The following ZNF511 variants were observed in gnomAD, a reference collection of about 807,000 sequenced individuals.
ZNF511 encodes zinc finger protein 511.
A neutral mutation model predicts 24.8 loss-of-function variants in ZNF511; 26 were observed. That is an observed-to-expected ratio of 1.05 (90% confidence interval 0.77 to 1.46). ZNF511 has a LOEUF of 1.46. Ranked by LOEUF, ZNF511 falls within the 40% of genes most tolerant of loss-of-function variation. ZNF511 has a pLI of 0.00. For missense variants in ZNF511, 358 were observed against 345.0 expected, an observed-to-expected ratio of 1.04 and a Z score of -0.30; for synonymous variants, 144 against 139.6, an observed-to-expected ratio of 1.03 and a Z score of -0.22.
chr10:133,309,606 A>T (rs1847939891), intron 2 of ZNF511, 143 bp downstream of exon 2: 9 of 1,268,928 alleles, frequency 7.1e-6, no homozygotes, highest in Non-Finnish European at 9.9e-6. Flanking sequence ...GGCGTGGCCG[A>T]CTCTTCCACC....
At chr10:133,312,688 C>A in intron 5 of ZNF511, 100 bp from the exon 6 acceptor site, 1 of 1,592,316 alleles carries the variant, frequency 6.3e-7, no homozygotes, top group Non-Finnish European at 8.6e-7. Context: ...CGCATGTTCC[C>A]AGAGTGAAAG....
At chr10:133,311,386 A>G (rs1847984691) in intron 4 of ZNF511, among the ~76,000 whole-genome samples, 2 of 152,364 alleles carry the variant, frequency 1.3e-5, no homozygotes, top group African/African-American at 4.8e-5. Flanking sequence ...ACTAGTTTAT[A>G]GTCTCTGGTT....
Position 133,312,793 on chromosome 10 carries a change from C to T in ZNF511, c.686C>T (p.Pro229Leu), listed in dbSNP as rs1052607215. The T allele has an allele frequency of 6.2e-7, 1 of 1,614,232 alleles. No homozygotes were observed. The highest frequency in any genetic ancestry group is 8.5e-7 in the Non-Finnish European group (1 of 1,180,042). The stretch of plus-strand genomic sequence containing the variant: ...GAAACTTTCTTCCATCCCAGAATAC[C>T]CTCTACCATCTGCTTTGGTCAGGGT... ...GERRIYRHRIPSTICFGQGAA... is the reference protein window; with the variant it reads ...GERRIYRHRILSTICFGQGAA... The change falls in exon 6 of 6, where the codon CCC becomes CTC. Residue 229 changes from proline to leucine, a missense_variant. By Grantham distance (98) the Pro-to-Leu change is moderately conservative. Coordinates refer to ENST00000361518, the MANE Select transcript of ZNF511 (RefSeq NM_145806.4).
intron 4 of ZNF511, 45 bp downstream of exon 4, chr10:133,310,333 G>A (rs1471874601): frequency 6.2e-7 from 1 of 1,610,784 alleles, no homozygotes; most frequent in African/African-American, 1.3e-5. Context: ...TTGATTTTAG[G>A]AAAAGGTTTC....
In ZNF511 at chr10:133,309,422, G is replaced by A; in HGVS notation, c.186G>A (p.Gln62=). ...DGDVQRHLYL[Q]DVIMQVADVP... ...ACGTGCAGCGCCACCTCTACCTCCAGGACGTGATCATGCAGGTGGCCGACG... is the reference window on the plus strand; with the variant it reads ...ACGTGCAGCGCCACCTCTACCTCCAAGACGTGATCATGCAGGTGGCCGACG... The change falls in exon 2 of 6, where the codon CAG becomes CAA. Residue 62 remains glutamine (Q), a synonymous_variant. Transcript: ENST00000361518. The A allele has an allele frequency of 6.2e-7, 1 of 1,612,536 alleles. No individual in the cohort carries two copies. The highest frequency in any genetic ancestry group is 8.5e-7 in the Non-Finnish European group (1 of 1,179,764).
Position 133,309,763 on chromosome 10 carries a change from G to A in ZNF511, c.228-13G>A, listed in dbSNP as rs970694986. On this transcript the variant is annotated splice_polypyrimidine_tract_variant and intron_variant, in intron 2 of 5. Coordinates refer to ENST00000361518, the MANE Select transcript of ZNF511 (RefSeq NM_145806.4). ...ACCGGAGGAAGGGCTCCTGAAGCAC[G>A]TCTCCTTGGCAGGGTGCCCGCGTTT... is the stretch of plus-strand genomic sequence containing the variant. 2.5e-6 allele frequency: 4 copies of A among 1,612,282 alleles called. No homozygotes were observed. Among genetic ancestry groups the A allele is most frequent in the East Asian group, 2.2e-5 (1 of 44,882 alleles).
Position 133,310,216 on chromosome 10 carries a change from G to A in ZNF511, c.482G>A (p.Arg161Gln), listed in dbSNP as rs1311250922. 4.3e-6 allele frequency: 7 copies of A among 1,613,938 alleles called. No individual in the cohort carries two copies. Among genetic ancestry groups the A allele is most frequent in the African/African-American group, 2.7e-5 (2 of 74,938 alleles). Residue 161 changes from arginine (R) to glutamine (Q), a missense_variant, in exon 4 of 6, where the codon CGG becomes CAG. Arg to Gln is a conservative substitution (Grantham distance 43, BLOSUM62 1). Coordinates refer to ENST00000361518, the MANE Select transcript of ZNF511 (RefSeq NM_145806.4). ...CTEKFKTSRD[R>Q]KDHMVRMHLY... ...GAGAAGTTCAAGACCAGCAGAGACC[G>A]GAAGGATCACATGGTGAGGATGCAC...
At position 133,308,914 on chromosome 10, in the gene ZNF511, G is replaced by A. The variant is rs1329058387; in HGVS notation, c.-30G>A. On this transcript the variant is annotated 5_prime_UTR_variant, in exon 1 of 6. Coordinates refer to ENST00000361518, the MANE Select transcript of ZNF511 (RefSeq NM_145806.4). The stretch of plus-strand genomic sequence containing the variant: ...CCGGCTCGGCTCGCGGACGGTGGCC[G>A]ACAGGCTGCGCCCGCCCGCGCCCGG... 2.5e-6 allele frequency: 3 copies of A among 1,210,968 alleles called. No individual in the cohort carries two copies. The highest frequency in any genetic ancestry group is 3.2e-5 in the African/African-American group (2 of 63,308). 75.0% of individuals were successfully genotyped at this position (1,210,968 alleles called of 1,614,324 possible). A position where few individuals can be genotyped will look rare whatever the true frequency, so the allele number is the denominator to read the frequency against.
chr10:133,309,530 CTGGGGCT>C, intron 2 of ZNF511, 67 bp downstream of exon 2: 25 of 1,531,460 alleles, frequency 1.6e-5, no homozygotes, highest in Non-Finnish European at 2.2e-5. Context: ...TGCCTGGTCC[CTGGGGCT>C]GTGCTGCCGC....
intron 1 of ZNF511, 79 bp downstream of exon 1, chr10:133,309,175 G>A (rs1334019956): frequency 7.3e-7 from 1 of 1,368,628 alleles, no homozygotes; most frequent in African/African-American, 1.5e-5. Context: ...GGAGCCTGGA[G>A]TGGGAGGGGC....
intron 2 of ZNF511, 72 bp downstream of exon 2, chr10:133,309,535 G>A (rs1045046997): frequency 2.7e-5 from 41 of 1,525,372 alleles, no homozygotes; most frequent in Admixed American, 9.3e-5. Context: ...GGTCCCTGGG[G>A]CTGTGCTGCC....
Position 133,308,978 on chromosome 10 carries a change from C to T in ZNF511, c.35C>T (p.Ala12Val). 8.0e-7 allele frequency: 1 copy of T among 1,244,876 alleles called. No homozygotes were observed. Among genetic ancestry groups the T allele is most frequent in the Non-Finnish European group, 1.0e-6 (1 of 987,086 alleles). 77.1% of individuals were successfully genotyped at this position (1,244,876 alleles called of 1,614,324 possible). The change falls in exon 1 of 6, where the codon GCT becomes GTT. Residue 12 changes from alanine to valine, a missense_variant. Coordinates refer to ENST00000361518, the MANE Select transcript of ZNF511 (RefSeq NM_145806.4). ...CCCCCCGCGCTGTGCGCCCGCCTCG[C>T]TGCGGGGCCCGGGGCGGCGGAGCCG... ...QLPPALCARL[A>V]AGPGAAEPLP...
At chr10:133,310,547 G>A in intron 4 of ZNF511, 1 of 510,090 alleles carries the variant, frequency 2.0e-6, no homozygotes, top group Non-Finnish European at 3.6e-6. Context: ...GTGTGGGAAT[G>A]AGCGGGCGCA....
chr10:133,309,391 A>G lies in ZNF511; in HGVS notation c.155A>G (p.Asp52Gly), dbSNP rs769944549. 2 of 1,611,162 alleles carry G rather than the reference A, an allele frequency of 1.2e-6. No individual in the cohort carries two copies. The highest frequency in any genetic ancestry group is 2.2e-5 in the South Asian group (2 of 90,866). Residue 52 changes from aspartate to glycine, a missense_variant and splice_region_variant, in exon 2 of 6, where the codon GAT becomes GGT. By Grantham distance (94) the Asp-to-Gly change is moderately conservative. Transcript: ENST00000361518. ...GCCCACGGCGCACTTTTCCTGCAGG[A>G]TGGGGACGTGCAGCGCCACCTCTAC... ...RFPREHQFFE[D>G]GDVQRHLYLQ...
At chr10:133,312,031 A>G (rs1848002171) in intron 5 of ZNF511, 190 bp downstream of exon 5, 3 of 1,532,906 alleles carry the variant, frequency 2.0e-6, no homozygotes, top group East Asian at 4.7e-5. Context: ...TTTCTCTCGC[A>G]TACTCTGTTT....
At chr10:133,309,624 C>A (rs148221787) in intron 2 of ZNF511, 152 bp from the exon 3 acceptor site, 2 of 1,232,102 alleles carry the variant, frequency 1.6e-6, no homozygotes, top group African/African-American at 1.5e-5. Flanking sequence ...ACCACCTAGC[C>A]TGTTTGTGAA....
rs201539702 is a variant in ZNF511 at position 133,311,889 on chromosome 10, T to C, written c.680+48T>C. On this transcript the variant is annotated intron_variant, in intron 5 of 5. Transcript: ENST00000361518. The stretch of plus-strand genomic sequence containing the variant: ...AAACCCGTTCTCAACATGTGTTCGG[T>C]GCTGAGGATTCTGGGCTGCACCTGG... 4.0e-5 allele frequency: 64 copies of C among 1,613,102 alleles called. No homozygotes were observed. The Middle Eastern group carries it at 6.6e-4, about 17-fold the overall frequency.
At chr10:133,309,710 G>A in intron 2 of ZNF511, 66 bp from the exon 3 acceptor site, 2 of 1,574,730 alleles carry the variant, frequency 1.3e-6, no homozygotes, top group South Asian at 2.2e-5. Flanking sequence ...AAGGGAAACT[G>A]TGCAGAAAGT....
chr10:133,310,669 C>T (rs1446925905), intron 4 of ZNF511: 4 of 255,204 alleles, frequency 1.6e-5, no homozygotes, highest in Non-Finnish European at 3.1e-5. Flanking sequence ...CTGCAGCCGT[C>T]GGCCGTGCTC....
Sources: allele counts gnomAD v4.1 joint callset (sites outside exome capture counted in the v4.1 genomes callset), GRCh38; gene constraint gnomAD v4.1.1; transcripts MANE v1.5; gene names NCBI Gene and HGNC (gene_info 2026-07-23, HGNC 2026-07-21).